The following LRIF1 variants were observed in gnomAD, a reference collection of about 807,000 sequenced individuals.
LRIF1 encodes the protein ligand dependent nuclear receptor interacting factor 1, also known as ligand-dependent nuclear receptor-interacting factor 1.
Under a neutral mutation model 52.7 loss-of-function variants are expected in LRIF1, and 32 were observed. The observed-to-expected ratio is 0.61, with a 90% CI of 0.46 to 0.82. LRIF1 has a LOEUF of 0.82. Ranked by LOEUF, LRIF1 falls within the 40% of genes least tolerant of loss-of-function variation. The pLI is 0.00. For synonymous variants in LRIF1, 323 were observed against 317.4 expected (o/e 1.02, Z -0.19); for missense variants, 887 against 892.0 (o/e 0.99, Z 0.07).
In LRIF1 at chr1:110,948,196, C is replaced by G. The variant is rs1286310047; in HGVS notation, c.2073G>C (p.Lys691Asn). 1.2e-6 allele frequency: 2 copies of G among 1,613,948 alleles called. No individual in the cohort carries two copies. Among genetic ancestry groups the G allele is most frequent in the Non-Finnish European group, 1.7e-6 (2 of 1,180,006 alleles). ...LTSHSKTRQE[K>N]RTEMEYYTHE... ...GGGTATAGTATTCCATCTCAGTTCTCTTTTCTTGTCTGGTTTTGCTGTGAC... is the reference window on the plus strand; with the variant it reads ...GGGTATAGTATTCCATCTCAGTTCTGTTTTCTTGTCTGGTTTTGCTGTGAC... The change falls in exon 4 of 4, where the codon AAG (lysine) becomes AAC (asparagine). Residue 691 changes from lysine to asparagine, a missense_variant. Physicochemically the swap from Lys to Asn is moderately conservative, Grantham distance 94. Coordinates refer to ENST00000369763, the MANE Select transcript of LRIF1 (RefSeq NM_018372.4).
At chr1:110,884,829 C>T in the LRIF1 span, among the ~76,000 whole-genome samples, 2,342 of 128,990 alleles carry the variant, frequency 0.018, 23 homozygotes, top group Middle Eastern at 0.057. Context: ...AAAATGTATT[C>T]GCTTCTTTAT....
chr1:110,895,797 A>G, the LRIF1 span, among the ~76,000 whole-genome samples: 1 of 152,194 alleles, frequency 6.6e-6, no homozygotes, highest in Non-Finnish European at 1.5e-5. Flanking sequence ...CCAACTCTTC[A>G]ATAGTTAACA....
the LRIF1 span, among the ~76,000 whole-genome samples, chr1:110,929,824 A>G: frequency 6.6e-6 from 1 of 152,130 alleles, no homozygotes; most frequent in East Asian, 1.9e-4. Context: ...ATCACGTGGA[A>G]ACAAAGAGGA....
At position 110,958,986 on chromosome 1, in the gene LRIF1, C is replaced by G. The variant is rs1045934968; in HGVS notation, c.68+4635G>C. 2.0e-3 allele frequency among the ~76,000 whole-genome samples: 298 copies of G among 152,302 alleles called. 1 individual carries two copies. Among genetic ancestry groups the G allele is most frequent in the African/African-American group, 6.8e-3 (281 of 41,572 alleles). On this transcript the variant is annotated intron_variant, in intron 1 of 3. Transcript: ENST00000369763. ...TCTATCAATATACAGTTTTTCATATCTAGAAGGAGCCTTCCATTGAAGAGA... is the reference window on the plus strand; with the variant it reads ...TCTATCAATATACAGTTTTTCATATGTAGAAGGAGCCTTCCATTGAAGAGA...
At chr1:110,962,005 A>G (rs1658972995) in intron 1 of LRIF1, among the ~76,000 whole-genome samples, 1 of 151,878 alleles carries the variant, frequency 6.6e-6, no homozygotes, top group Non-Finnish European at 1.5e-5. Context: ...GTAATTTGTA[A>G]TTTAAAAATC....
chr1:110,902,796 C>CA, the LRIF1 span, among the ~76,000 whole-genome samples: 2 of 152,136 alleles, frequency 1.3e-5, no homozygotes, highest in Non-Finnish European at 2.9e-5. Flanking sequence ...CTGTCTAACA[C>CA]AAAAAACCAC....
the LRIF1 span, among the ~76,000 whole-genome samples, chr1:110,919,015 C>A: frequency 6.6e-6 from 1 of 152,162 alleles, no homozygotes; most frequent in Non-Finnish European, 1.5e-5. Flanking sequence ...CTTAGGTCAG[C>A]CAAAAAATTG....
the LRIF1 span, among the ~76,000 whole-genome samples, chr1:110,880,053 C>A: frequency 6.6e-6 from 1 of 152,196 alleles, no homozygotes; most frequent in Non-Finnish European, 1.5e-5. Flanking sequence ...TCCCTAACCT[C>A]CATGTTGAGT....
At position 110,948,361 on chromosome 1, in the gene LRIF1, C is replaced by A. The variant is rs145932328; in HGVS notation, c.1908G>T (p.Lys636Asn). The change falls in exon 4 of 4, where the codon AAG becomes AAT. Residue 636 changes from lysine to asparagine, a missense_variant. Lys to Asn is a moderately conservative substitution (Grantham distance 94, BLOSUM62 0). Transcript: ENST00000369763. ...TTCTCTTCTTTATGTGATCCATCTT[C>A]TTATTAGTTTTTGCTTTTCTTTTCT... ...FDKKRKAKTN[K>N]KMDHIKKRKT... 16 of 1,612,766 alleles carry A rather than the reference C, an allele frequency of 9.9e-6. No homozygotes were observed. Among genetic ancestry groups the A allele is most frequent in the African/African-American group, 6.7e-5 (5 of 74,808 alleles).
At chr1:110,954,371 C>T (rs1383015975) in intron 1 of LRIF1, among the ~76,000 whole-genome samples, 1 of 152,122 alleles carries the variant, frequency 6.6e-6, no homozygotes, top group Admixed American at 6.5e-5. Context: ...ATCTCCACCT[C>T]CTGGGCTCAA....
the LRIF1 span, among the ~76,000 whole-genome samples, chr1:110,932,198 A>T: frequency 2.0e-5 from 3 of 152,206 alleles, no homozygotes; most frequent in South Asian, 6.2e-4. Flanking sequence ...AGCTTTCTAC[A>T]TATGGCTAGC....
At chr1:110,887,058 G>GTTTATTTTATTTTATTTTAT in the LRIF1 span, among the ~76,000 whole-genome samples, 27,862 of 146,498 alleles carry the variant, frequency 0.19, 2,881 homozygotes, top group Middle Eastern at 0.25. Flanking sequence ...CTCTATTTAT[G>GTTTATTTTATTTTATTTTAT]TTTATTTTAT....
the LRIF1 span, among the ~76,000 whole-genome samples, chr1:110,901,915 T>C: frequency 6.6e-6 from 1 of 152,192 alleles, no homozygotes; most frequent in African/African-American, 2.4e-5. Flanking sequence ...CCCACCTAGT[T>C]TTCCTAGCCA....
chr1:110,924,804 T>G, the LRIF1 span, among the ~76,000 whole-genome samples: 9 of 152,058 alleles, frequency 5.9e-5, no homozygotes, highest in Non-Finnish European at 1.5e-5. Flanking sequence ...GATGCAAAAA[T>G]TATAAACAAA....
At chr1:110,894,986 G>T in the LRIF1 span, 1 of 1,613,996 alleles carries the variant, frequency 6.2e-7, no homozygotes, top group South Asian at 1.1e-5. Context: ...CTAAGGGTCT[G>T]ACCGACAGCA....
chr1:110,888,277 C>T, the LRIF1 span, among the ~76,000 whole-genome samples: 11 of 152,134 alleles, frequency 7.2e-5, no homozygotes, highest in Non-Finnish European at 5.9e-5. Context: ...TGCAAGCACC[C>T]GCTGCGAATC....
Position 110,949,209 on chromosome 1 carries a change from C to T in LRIF1, c.1869+642G>A, listed in dbSNP as rs12128993. ...CTCAGCTCACTGCAACCTCTGCCTT[C>T]CGGGTTCAAGCGATTCTCCTGCCCT... On this transcript the variant is annotated intron_variant, in intron 3 of 3. Transcript: ENST00000369763. 1.9e-3 allele frequency among the ~76,000 whole-genome samples: 283 copies of T among 152,010 alleles called. 1 individual carries two copies. Among genetic ancestry groups the T allele is most frequent in the Admixed American group, 3.2e-3 (49 of 15,266 alleles).
chr1:110,892,270 C>T, the LRIF1 span: 1 of 1,027,446 alleles, frequency 9.7e-7, no homozygotes, highest in Non-Finnish European at 1.6e-6. Flanking sequence ...ATTCTGATCT[C>T]AAGGAAGTGA....
chr1:110,963,554 G>A (rs1464316404), intron 1 of LRIF1, 67 bp downstream of exon 1: 20 of 1,378,444 alleles, frequency 1.5e-5, no homozygotes, highest in Admixed American at 5.7e-5. Context: ...CGGAAACGAC[G>A]GCCGACTCCA....
Sources: allele counts gnomAD v4.1 joint callset (sites outside exome capture counted in the v4.1 genomes callset), GRCh38; gene constraint gnomAD v4.1.1; transcripts MANE v1.5; gene names NCBI Gene and HGNC (gene_info 2026-07-23, HGNC 2026-07-21).